GTF2I: variants seen among roughly 807,000 people sequenced by gnomAD.
GTF2I encodes the protein general transcription factor II-I.
In GTF2I, 12 loss-of-function variants were observed where a neutral mutation model predicts 67.6. The ratio of observed to expected loss-of-function variants is 0.18; its 90% CI spans 0.11 to 0.29. GTF2I has a LOEUF of 0.29. GTF2I is among the 10% of genes least tolerant of loss of function. The pLI, the probability that GTF2I is intolerant of heterozygous loss-of-function variation, is 1.00. For synonymous variants in GTF2I, 149 were observed against 197.0 expected, an observed-to-expected ratio of 0.76 and a Z score of 2.04; for missense variants, 271 against 580.1, an observed-to-expected ratio of 0.47 and a Z score of 5.47.
At chr7:74,676,203 C>T (rs1486440354) in intron 1 of GTF2I, among the ~76,000 whole-genome samples, 9 of 152,000 alleles carry the variant, frequency 5.9e-5, no homozygotes, top group Admixed American at 5.3e-4. Flanking sequence ...AAGCAGATGT[C>T]GACCATTTAT....
chr7:74,683,193 C>T (rs967029684), intron 1 of GTF2I, among the ~76,000 whole-genome samples: 7 of 152,096 alleles, frequency 4.6e-5, no homozygotes, highest in African/African-American at 1.7e-4. Flanking sequence ...ATAAAATCTA[C>T]ACCTAGAATA....
At chr7:74,700,162 C>T in intron 4 of GTF2I, 85 bp from the exon 5 acceptor site, 1 of 1,377,736 alleles carries the variant, frequency 7.3e-7, no homozygotes, top group South Asian at 1.3e-5. Flanking sequence ...CATGGATGCC[C>T]TTATTAAGCC....
chr7:74,685,280 G>T (rs1787610544), intron 1 of GTF2I, among the ~76,000 whole-genome samples: 1 of 152,234 alleles, frequency 6.6e-6, no homozygotes, highest in South Asian at 2.1e-4. Flanking sequence ...TGGATTACTT[G>T]AGGTCACGAG....
At chr7:74,680,099 A>AAAAAAAAAATATATATAT in intron 1 of GTF2I, among the ~76,000 whole-genome samples, 1 of 95,002 alleles carries the variant, frequency 1.1e-5, no homozygotes, top group African/African-American at 4.0e-5. Flanking sequence ...AAAAAAAAAA[A>AAAAAAAAAATATATATAT]ATATATATAT....
chr7:74,669,509 G>A (rs1220353528), intron 1 of GTF2I, among the ~76,000 whole-genome samples: 1 of 150,846 alleles, frequency 6.6e-6, no homozygotes, highest in Non-Finnish European at 1.5e-5. Flanking sequence ...GGGATTACAG[G>A]CGTGAACCAT....
chr7:74,706,509 C>A, intron 8 of GTF2I, 76 bp downstream of exon 8: 1 of 1,098,976 alleles, frequency 9.1e-7, no homozygotes, highest in Non-Finnish European at 1.4e-6. Flanking sequence ...TATAGTTTGA[C>A]TCAATTATTG....
chr7:74,667,405 A>T (rs894405421), intron 1 of GTF2I, among the ~76,000 whole-genome samples: 2 of 152,164 alleles, frequency 1.3e-5, no homozygotes, highest in African/African-American at 4.8e-5. Context: ...TGTGTCTGCC[A>T]TTTACACCGT....
At chr7:74,660,339 C>G (rs1554385950) in intron 1 of GTF2I, among the ~76,000 whole-genome samples, 1 of 150,676 alleles carries the variant, frequency 6.6e-6, no homozygotes, top group Non-Finnish European at 1.5e-5. Flanking sequence ...TTACAGGCGC[C>G]TGCCCCCAAG....
chr7:74,680,193 T>C (rs1269440913), intron 1 of GTF2I, among the ~76,000 whole-genome samples: 3 of 146,856 alleles, frequency 2.0e-5, no homozygotes, highest in Non-Finnish European at 4.5e-5. Flanking sequence ...TATTTATTTA[T>C]ATATATTTGT....
At position 74,692,075 on chromosome 7, in the gene GTF2I, C is replaced by CTT. The variant is rs782120163; in HGVS notation, c.238+978_238+979dup. On this transcript the variant is annotated intron_variant, in intron 3 of 34. Transcript: ENST00000573035. Reference sequence around the variant, plus strand: ...TTCAGGCATGAGCCACCACTCTCGGCTTTTTTTTTTTTTTTAAGAGATGGG... The same window carrying CTT: ...TTCAGGCATGAGCCACCACTCTCGGCTTTTTTTTTTTTTTTTTAAGAGATGGG... 1.2e-4 allele frequency among the ~76,000 whole-genome samples: 16 copies of CTT among 134,232 alleles called. No homozygotes were observed. In the South Asian group the frequency reaches 1.7e-3, roughly 14 times the overall value. The allele number at this position is 134,232 out of a possible 152,430, so 88.1% of individuals were successfully genotyped here. A position where few individuals can be genotyped will look rare whatever the true frequency, so the allele number is the denominator to read the frequency against.
At chr7:74,694,948 T>C (rs1446229271) in intron 3 of GTF2I, among the ~76,000 whole-genome samples, 1 of 152,152 alleles carries the variant, frequency 6.6e-6, no homozygotes, top group Non-Finnish European at 1.5e-5. Context: ...GCTCTATTGA[T>C]AGAACAATAA....
chr7:74,693,265 ATTTTTTTTTT>A (rs1158949751), intron 3 of GTF2I, among the ~76,000 whole-genome samples: 1 of 83,002 alleles, frequency 1.2e-5, no homozygotes, highest in Non-Finnish European at 2.4e-5. Flanking sequence ...CTGTAGTGGA[ATTTTTTTTTT>A]TTTTTTTTTT....
At chr7:74,680,099 A>AAAAAAAATATATATATATATATATATAT in intron 1 of GTF2I, among the ~76,000 whole-genome samples, 1 of 94,994 alleles carries the variant, frequency 1.1e-5, no homozygotes, top group Non-Finnish European at 2.1e-5. Context: ...AAAAAAAAAA[A>AAAAAAAATATATATATATATATATATAT]ATATATATAT....
intron 1 of GTF2I, among the ~76,000 whole-genome samples, chr7:74,664,261 G>C (rs1021422431): frequency 6.6e-6 from 1 of 150,772 alleles, no homozygotes; most frequent in Non-Finnish European, 1.5e-5. Flanking sequence ...CTGTCTTCCT[G>C]TTTGTTTTCT....
intron 1 of GTF2I, among the ~76,000 whole-genome samples, chr7:74,671,017 T>C (rs1554390436): frequency 2.6e-5 from 4 of 151,906 alleles, no homozygotes; most frequent in Non-Finnish European, 5.9e-5. Context: ...AAGGATGTTG[T>C]TTTGGCTACT....
chr7:74,671,600 T>C (rs1805459480), intron 1 of GTF2I, among the ~76,000 whole-genome samples: 1 of 152,154 alleles, frequency 6.6e-6, no homozygotes, highest in African/African-American at 2.4e-5. Flanking sequence ...GGGATATTTG[T>C]TATTTATTGA....
intron 12 of GTF2I, among the ~76,000 whole-genome samples, chr7:74,722,550 C>A (rs928812589): frequency 4.6e-5 from 7 of 152,120 alleles, no homozygotes; most frequent in African/African-American, 1.7e-4. Flanking sequence ...TTACCTGTTA[C>A]CTGTGTTCCT....
rs1028359163 is a variant in GTF2I at position 74,667,527 on chromosome 7, G to A, written c.-6+9459G>A. 5.3e-5 allele frequency among the ~76,000 whole-genome samples: 8 copies of A among 151,696 alleles called. 1 individual carries two copies. The South Asian group carries it at 1.5e-3, about 28-fold the overall frequency. On this transcript the variant is annotated intron_variant, in intron 1 of 34. Transcript: ENST00000573035. ...AATTACCATTTTAACCTTTTTTTGT[G>A]GGGGGAGGGACGGGATGTCACTCTG...
intron 12 of GTF2I, among the ~76,000 whole-genome samples, chr7:74,720,703 A>T (rs1188470163): frequency 6.7e-6 from 1 of 150,140 alleles, no homozygotes. Context: ...ACTAATAACC[A>T]TTTTGATTTG....
Sources: allele counts gnomAD v4.1 joint callset (sites outside exome capture counted in the v4.1 genomes callset), GRCh38; gene constraint gnomAD v4.1.1; transcripts MANE v1.5; gene names NCBI Gene and HGNC (gene_info 2026-07-23, HGNC 2026-07-21).